GRIK3: variants seen among roughly 807,000 people sequenced by gnomAD.
GRIK3 encodes the protein glutamate receptor ionotropic, kainate 3.
Under a neutral mutation model 102.5 loss-of-function variants are expected in GRIK3, and 29 were observed. That is an observed-to-expected ratio of 0.28 (90% CI 0.21 to 0.39). The LOEUF is 0.39. Among genes scored for constraint, GRIK3 ranks in the 10% least tolerant of loss-of-function variants. The pLI, the probability that GRIK3 is intolerant of heterozygous loss-of-function variation, is 1.00. For synonymous variants in GRIK3, 511 were observed against 504.9 expected (o/e 1.01, Z -0.16); for missense variants, 908 against 1,252.4 (o/e 0.73, Z 4.15).
Position 36,850,364 on chromosome 1 carries a change from G to C in GRIK3, c.1273C>G (p.Pro425Ala), listed in dbSNP as rs1170648885. The change falls in exon 9 of 16, where the codon CCT (proline) becomes GCT (alanine). Residue 425 changes from proline (P) to alanine (A), a missense_variant. By Grantham distance (27) the Pro-to-Ala change is conservative (BLOSUM62 -1). This residue lies in a region of GRIK3 where 585 missense variants were observed against 824.9 expected (regional missense o/e 0.71). Transcript: ENST00000373091. This position sits in a 1 kb window ranked among gnomAD's most constrained non-coding sequence, Gnocchi z 4.0. The part of the protein sequence containing the change: ...NITEVAKGRG[P>A]NVTDSLTNRS... ...TTTGTCAGAGAGTCGGTGACATTAG[G>C]GCCTCGGCCTTTGGCAACCTCAGTG... 1.2e-6 allele frequency: 2 copies of C among 1,613,250 alleles called. No individual in the cohort carries two copies. Among genetic ancestry groups the C allele is most frequent in the Admixed American group, 3.3e-5 (2 of 59,914 alleles).
chr1:36,801,783 G>T lies in GRIK3; in HGVS notation c.*68C>A. ...CAAGCCCAGTGCGGGGACAGGGGAC[G>T]TTCCTTCCAATCTCCTTTGCTTTCC... On this transcript the variant is annotated 3_prime_UTR_variant, in exon 16 of 16. Transcript: ENST00000373091. 2.2e-6 allele frequency: 3 copies of T among 1,372,158 alleles called. No homozygotes were observed. The highest frequency in any genetic ancestry group is 2.8e-5 in the South Asian group (2 of 71,082). 85.0% of individuals were successfully genotyped at this position (1,372,158 alleles called of 1,614,324 possible).
At chr1:36,967,397 C>G (rs1412317437) in intron 1 of GRIK3, among the ~76,000 whole-genome samples, 1 of 152,228 alleles carries the variant, frequency 6.6e-6, no homozygotes, top group East Asian at 1.9e-4. Context: ...GGCCTGACTA[C>G]CCTCTGCTCA....
chr1:36,924,432 G>A (rs1023633677), intron 1 of GRIK3, among the ~76,000 whole-genome samples: 22 of 152,182 alleles, frequency 1.4e-4, no homozygotes, highest in Non-Finnish European at 3.1e-4. Context: ...GCTGAGGGTA[G>A]GGAGAGATTA....
chr1:36,879,633 G>A (rs1640944083), intron 3 of GRIK3, among the ~76,000 whole-genome samples: 1 of 152,216 alleles, frequency 6.6e-6, no homozygotes, highest in Non-Finnish European at 1.5e-5. Flanking sequence ...GAGGCAGGGG[G>A]TATCACATTG....
In GRIK3 at chr1:36,816,638, C is replaced by T. The variant is rs11587421; in HGVS notation, c.2091+422G>A. 1.0e-3 allele frequency among the ~76,000 whole-genome samples: 153 copies of T among 152,288 alleles called. 1 individual carries two copies. The highest frequency in any genetic ancestry group is 2.1e-3 in the Non-Finnish European group (143 of 68,010). ...CTCCTCCCTTCCTCTCAAGATTTGG[C>T]CCTGCTGCTGTCTCCCCAACCTCAG... On this transcript the variant is annotated intron_variant, in intron 13 of 15. Coordinates refer to ENST00000373091, the MANE Select transcript of GRIK3 (RefSeq NM_000831.4).
intron 1 of GRIK3, among the ~76,000 whole-genome samples, chr1:36,958,830 C>CTG (rs1641960318): frequency 8.4e-6 from 1 of 118,624 alleles, no homozygotes; most frequent in Non-Finnish European, 1.9e-5. Context: ...CCCTGTGAGT[C>CTG]TGTGCCTTGT....
chr1:36,968,186 C>A (rs1188577404), intron 1 of GRIK3, among the ~76,000 whole-genome samples: 1 of 151,784 alleles, frequency 6.6e-6, no homozygotes, highest in African/African-American at 2.4e-5. Context: ...CACAGTTTCA[C>A]CTGCTCTTCT....
At position 36,806,510 on chromosome 1, in the gene GRIK3, C is replaced by T. The variant is rs192107706; in HGVS notation, c.2092-184G>A. 1.1e-3 allele frequency among the ~76,000 whole-genome samples: 165 copies of T among 152,298 alleles called. 2 individuals carry two copies. In the East Asian group the frequency reaches 0.022, roughly 20 times the overall value. On this transcript the variant is annotated intron_variant, in intron 13 of 15. Transcript: ENST00000373091. This position sits in a 1 kb window ranked among gnomAD's most constrained non-coding sequence, Gnocchi z 4.0. ...CCCGGGGCAAAGGTCCCCAAACACA[C>T]AGCTGGCCAATGATAAAACGGAAAT...
At chr1:36,986,441 T>C (rs1222754685) in intron 1 of GRIK3, among the ~76,000 whole-genome samples, 2 of 146,920 alleles carry the variant, frequency 1.4e-5, no homozygotes, top group Non-Finnish European at 3.0e-5. Flanking sequence ...CATCCATCCA[T>C]CCATCCATCC....
rs541669588 is a variant in GRIK3 at position 37,013,943 on chromosome 1, C to T, written c.115+20051G>A. Among the ~76,000 whole-genome samples, 28 of 152,348 alleles carry T rather than the reference C, an allele frequency of 1.8e-4. No individual in the cohort carries two copies. In the South Asian group the frequency reaches 5.8e-3, roughly 32 times the overall value. Reference sequence around the variant, plus strand: ...TCGAATGCCTTGCCCCAGCCCCTTGCACCCCAAGCCCTAGCCACATGGGCC... The same window carrying T: ...TCGAATGCCTTGCCCCAGCCCCTTGTACCCCAAGCCCTAGCCACATGGGCC... On this transcript the variant is annotated intron_variant, in intron 1 of 15. Transcript: ENST00000373091.
chr1:37,018,982 G>C (rs1642681711), intron 1 of GRIK3, among the ~76,000 whole-genome samples: 2 of 152,136 alleles, frequency 1.3e-5, no homozygotes, highest in African/African-American at 4.8e-5. Flanking sequence ...TTCCAAGCTA[G>C]ATTTTCCCTC....
intron 10 of GRIK3, among the ~76,000 whole-genome samples, chr1:36,827,406 A>G (rs1416576431): frequency 6.6e-6 from 1 of 151,508 alleles, no homozygotes; most frequent in Non-Finnish European, 1.5e-5. Context: ...GCTGGGGCCT[A>G]ACAACAGAAA....
intron 5 of GRIK3, among the ~76,000 whole-genome samples, chr1:36,867,150 G>A (rs983508763): frequency 2.6e-5 from 4 of 152,068 alleles, no homozygotes; most frequent in African/African-American, 9.7e-5. Context: ...CACTGGCCGG[G>A]GCTAGTCTCT....
rs1016783890 is a variant in GRIK3 at position 36,796,854 on chromosome 1, C to G, written c.*4997G>C. 1 of 152,196 alleles carries G rather than the reference C, an allele frequency of 6.6e-6. No individual in the cohort carries two copies. Among genetic ancestry groups the G allele is most frequent in the African/African-American group, 2.4e-5 (1 of 41,446 alleles). 9.4% of individuals were successfully genotyped at this position (152,196 alleles called of 1,614,324 possible). A position where few individuals can be genotyped will look rare whatever the true frequency, so the allele number is the denominator to read the frequency against. On this transcript the variant is annotated 3_prime_UTR_variant, in exon 16 of 16. Coordinates refer to ENST00000373091, the MANE Select transcript of GRIK3 (RefSeq NM_000831.4). Reference sequence around the variant, plus strand: ...GTGTGAGAACAGGCCTGGGGAGTGGCCTGCTCTTTCCCAGCCCTTCTGCTC... The same window carrying G: ...GTGTGAGAACAGGCCTGGGGAGTGGGCTGCTCTTTCCCAGCCCTTCTGCTC...
chr1:36,813,232 T>A (rs1332160941), intron 13 of GRIK3, among the ~76,000 whole-genome samples: 1 of 152,172 alleles, frequency 6.6e-6, no homozygotes, highest in Non-Finnish European at 1.5e-5. Context: ...ATGTTTCAAA[T>A]GGAGATGATA....
rs1642441978 is a variant in GRIK3, at chr1:36,801,726, T to C, written c.*125A>G. 5.2e-6 allele frequency: 4 copies of C among 768,824 alleles called. No homozygotes were observed. The highest frequency in any genetic ancestry group is 7.9e-6 in the Non-Finnish European group (4 of 509,022). The allele number at this position is 768,824 out of a possible 1,614,324, so 47.6% of individuals were successfully genotyped here. ...CTGGCAGGTAAGGGCAGGAGGCTCC[T>C]GGCCCAACAGGCAGGTGGCAGCTCT... On this transcript the variant is annotated 3_prime_UTR_variant, in exon 16 of 16. Coordinates refer to ENST00000373091, the MANE Select transcript of GRIK3 (RefSeq NM_000831.4).
chr1:36,820,974 G>A (rs1642690476), intron 11 of GRIK3, among the ~76,000 whole-genome samples: 1 of 152,168 alleles, frequency 6.6e-6, no homozygotes, highest in African/African-American at 2.4e-5. Flanking sequence ...AAAAGTCCCA[G>A]GCTGGTGGAC....
At chr1:36,961,831 A>C (rs1238134882) in intron 1 of GRIK3, among the ~76,000 whole-genome samples, 1 of 152,208 alleles carries the variant, frequency 6.6e-6, no homozygotes, top group Non-Finnish European at 1.5e-5. Context: ...CCTGCTCTGC[A>C]ATGGCACTGT....
chr1:36,859,363 C>T (rs1640693189), intron 6 of GRIK3, 112 bp from the exon 7 acceptor site: 9 of 1,198,354 alleles, frequency 7.5e-6, no homozygotes, highest in South Asian at 7.4e-5. Flanking sequence ...TCCTGGTGAG[C>T]GAACAGGCCC....
Sources: allele counts gnomAD v4.1 joint callset (sites outside exome capture counted in the v4.1 genomes callset), GRCh38; gene constraint gnomAD v4.1.1; regional missense constraint gnomAD v4.1.1; non-coding constraint Gnocchi (gnomAD v3.1); transcripts MANE v1.5; gene names NCBI Gene and HGNC (gene_info 2026-07-23, HGNC 2026-07-21).